Variants in NELL1 observed in about 807,000 individuals in gnomAD.
NELL1 encodes the protein protein kinase C-binding protein NELL1.
NELL1 carries 76 observed loss-of-function variants against 107.4 expected under a neutral mutation model. That is an observed-to-expected ratio of 0.71 (90% confidence interval 0.59 to 0.86). The LOEUF (loss-of-function observed/expected upper bound fraction) is 0.86, where lower values mean the gene tolerates loss of function less well. Ranked by LOEUF, NELL1 falls within the 40% of genes least tolerant of loss-of-function variation. The pLI is 0.00. For missense variants in NELL1, 1,024 were observed against 1,005.5 expected (o/e 1.02, Z -0.25); for synonymous variants, 353 against 341.2 (o/e 1.03, Z -0.38).
chr11:21,438,096 C>T (rs755814984), intron 15 of NELL1, among the ~76,000 whole-genome samples: 51 of 152,100 alleles, frequency 3.4e-4, no homozygotes, highest in Non-Finnish European at 4.3e-4. Context: ...TGATTTATGA[C>T]GGAAAATATC....
intron 13 of NELL1, among the ~76,000 whole-genome samples, chr11:21,211,365 G>T (rs1340972807): frequency 3.3e-5 from 5 of 152,126 alleles, no homozygotes; most frequent in Admixed American, 3.3e-4. Context: ...CATTGTGCTT[G>T]CAGCTTAGCA....
chr11:20,958,129 C>T (rs1851215906), intron 11 of NELL1, among the ~76,000 whole-genome samples: 2 of 151,942 alleles, frequency 1.3e-5, no homozygotes, highest in Admixed American at 1.3e-4. Flanking sequence ...CAAACAAACC[C>T]CAACAAGGCT....
chr11:20,891,434 C>A (rs976138307), intron 5 of NELL1, among the ~76,000 whole-genome samples: 1 of 152,154 alleles, frequency 6.6e-6, no homozygotes. Flanking sequence ...ACCAATGACA[C>A]TACAAAGAAA....
At chr11:21,099,192 AAC>A (rs59848133) in intron 12 of NELL1, among the ~76,000 whole-genome samples, 33,406 of 141,464 alleles carry the variant, frequency 0.24, 4,010 homozygotes, top group Non-Finnish European at 0.29. Context: ...GACACTGAAC[AAC>A]ACACACACAC....
In NELL1 at chr11:20,824,921, G is replaced by A. The variant is rs560291944; in HGVS notation, c.336-22662G>A. 2.8e-4 allele frequency among the ~76,000 whole-genome samples: 42 copies of A among 151,462 alleles called. No homozygotes were observed. The East Asian group carries it at 7.7e-3, about 28-fold the overall frequency. On this transcript the variant is annotated intron_variant, in intron 3 of 19. Coordinates refer to ENST00000357134, the MANE Select transcript of NELL1 (RefSeq NM_006157.5). ...ACATTTGCATAAGTAACAAGCAGCC[G>A]AATGTTAATCACTAAGACAATATGG...
At chr11:20,673,406 T>A (rs1853969949) in intron 1 of NELL1, among the ~76,000 whole-genome samples, 1 of 126,220 alleles carries the variant, frequency 7.9e-6, no homozygotes, top group Non-Finnish European at 1.6e-5. Flanking sequence ...CTTGGAGCAT[T>A]TTTTTAGTCT....
chr11:20,827,747 C>T (rs1217794610), intron 3 of NELL1, among the ~76,000 whole-genome samples: 2 of 151,276 alleles, frequency 1.3e-5, no homozygotes, highest in Non-Finnish European at 3.0e-5. Flanking sequence ...AGTCCTAGCT[C>T]TGTGCCAAGA....
At chr11:20,709,861 G>A (rs1855068138) in intron 2 of NELL1, among the ~76,000 whole-genome samples, 1 of 152,132 alleles carries the variant, frequency 6.6e-6, no homozygotes, top group Non-Finnish European at 1.5e-5. Flanking sequence ...TGTCATTGTT[G>A]GTGTATGTCA....
intron 14 of NELL1, among the ~76,000 whole-genome samples, chr11:21,263,358 A>G (rs1053623769): frequency 6.6e-6 from 1 of 151,996 alleles, no homozygotes; most frequent in Non-Finnish European, 1.5e-5. Context: ...AATGTGGGGT[A>G]ACGGCGAGCC....
At chr11:21,020,851 C>T (rs1420514900) in intron 12 of NELL1, among the ~76,000 whole-genome samples, 8 of 151,910 alleles carry the variant, frequency 5.3e-5, no homozygotes, top group Admixed American at 5.3e-4. Context: ...CCATAAACAA[C>T]CACTAATCTT....
At chr11:21,360,938 C>T (rs1279147444) in intron 14 of NELL1, among the ~76,000 whole-genome samples, 2 of 152,130 alleles carry the variant, frequency 1.3e-5, no homozygotes, top group African/African-American at 4.8e-5. Context: ...TTAAGTGGGG[C>T]ATTTACGCCA....
chr11:20,832,724 A>G lies in NELL1; in HGVS notation c.336-14859A>G, dbSNP rs530387559. On this transcript the variant is annotated intron_variant, in intron 3 of 19. Transcript: ENST00000357134. ...TTAACATTTAAATAATGATGACAAT[A>G]ATAATAGCTGACATTTATTGAGTTC... is the stretch of plus-strand genomic sequence containing the variant. Among the ~76,000 whole-genome samples the G allele has an allele frequency of 3.3e-5, 5 of 152,354 alleles. No homozygotes were observed. The South Asian group carries it at 1.0e-3, about 32-fold the overall frequency.
chr11:21,131,269 GT>G (rs1350735093), intron 13 of NELL1, among the ~76,000 whole-genome samples: 2 of 152,108 alleles, frequency 1.3e-5, no homozygotes, highest in African/African-American at 2.4e-5. Flanking sequence ...GGATATAGTT[GT>G]TTGGATTATT....
intron 15 of NELL1, among the ~76,000 whole-genome samples, chr11:21,402,670 A>G (rs1852126499): frequency 6.7e-6 from 1 of 150,106 alleles, no homozygotes; most frequent in Non-Finnish European, 1.5e-5. Flanking sequence ...AACAAAATTC[A>G]CCTTTTGTTC....
chr11:21,571,337 A>G (rs1263399372), intron 18 of NELL1, among the ~76,000 whole-genome samples: 1 of 151,860 alleles, frequency 6.6e-6, no homozygotes, highest in Non-Finnish European at 1.5e-5. Context: ...CATAGTAGAA[A>G]TATCAGAGAT....
At chr11:20,884,193 G>C (rs552222458) in intron 4 of NELL1, among the ~76,000 whole-genome samples, 1 of 152,320 alleles carries the variant, frequency 6.6e-6, no homozygotes, top group East Asian at 1.9e-4. Flanking sequence ...ACTGCAGCGC[G>C]ACAGCTCCCA....
At chr11:21,496,843 T>C (rs1854993172) in intron 15 of NELL1, among the ~76,000 whole-genome samples, 1 of 152,184 alleles carries the variant, frequency 6.6e-6, no homozygotes, top group Non-Finnish European at 1.5e-5. Flanking sequence ...TTCTCATTGT[T>C]CAATTCCCAC....
At chr11:21,401,424 A>C (rs1852095344) in intron 15 of NELL1, among the ~76,000 whole-genome samples, 1 of 151,886 alleles carries the variant, frequency 6.6e-6, no homozygotes, top group Admixed American at 6.6e-5. Context: ...CGCTTACTTG[A>C]CAAACTAAAG....
At chr11:21,517,226 T>C (rs1688052604) in intron 15 of NELL1, among the ~76,000 whole-genome samples, 1 of 152,186 alleles carries the variant, frequency 6.6e-6, no homozygotes, top group African/African-American at 2.4e-5. Flanking sequence ...AAGAGTGGTT[T>C]TGGGCTCAGA....
Sources: allele counts gnomAD v4.1 joint callset (sites outside exome capture counted in the v4.1 genomes callset), GRCh38; gene constraint gnomAD v4.1.1; transcripts MANE v1.5; gene names NCBI Gene and HGNC (gene_info 2026-07-23, HGNC 2026-07-21).